MTUS2: variants seen among roughly 807,000 people sequenced by gnomAD.
The protein encoded by MTUS2 is microtubule associated scaffold protein 2.
A neutral mutation model predicts 114.1 loss-of-function variants in MTUS2; 40 were observed. The ratio of observed to expected loss-of-function variants is 0.35; its 90% CI spans 0.27 to 0.46. The LOEUF (loss-of-function observed/expected upper bound fraction) is 0.46. MTUS2 is among the 20% of genes least tolerant of loss of function. The probability of loss-of-function intolerance (pLI) is 1.00; values close to 1 mark genes in which losing one functional copy is unlikely to be tolerated. For synonymous variants in MTUS2, 688 were observed against 672.0 expected (o/e 1.02, Z -0.37); for missense variants, 1,679 against 1,705.4 (o/e 0.98, Z 0.27).
chr13:29,420,662 C>G (rs1244884317), intron 8 of MTUS2, among the ~76,000 whole-genome samples: 7 of 152,216 alleles, frequency 4.6e-5, no homozygotes, highest in South Asian at 2.1e-4. Flanking sequence ...TTCTATTTAA[C>G]GTATGTCAAA....
At chr13:28,862,471 G>A (rs1300248816) in intron 2 of MTUS2, among the ~76,000 whole-genome samples, 1 of 152,160 alleles carries the variant, frequency 6.6e-6, no homozygotes, top group African/African-American at 2.4e-5. Context: ...AAATTAGCCA[G>A]GCATGGTGGC....
At chr13:29,022,854 T>TG (rs992467527) in intron 2 of MTUS2, among the ~76,000 whole-genome samples, 1 of 151,586 alleles carries the variant, frequency 6.6e-6, no homozygotes, top group Admixed American at 6.6e-5. Flanking sequence ...TTAAACTCTT[T>TG]GGGGGCAGAA....
chr13:29,405,953 C>T (rs1292687042), intron 8 of MTUS2, among the ~76,000 whole-genome samples: 1 of 151,986 alleles, frequency 6.6e-6, no homozygotes, highest in East Asian at 1.9e-4. Flanking sequence ...GTTGGCCAGG[C>T]TGGTCTCAAA....
At chr13:29,261,000 C>T (rs1897452104) in intron 5 of MTUS2, among the ~76,000 whole-genome samples, 2 of 151,962 alleles carry the variant, frequency 1.3e-5, no homozygotes, top group African/African-American at 4.8e-5. Flanking sequence ...AAACTCCAGG[C>T]TAAAGGGAAA....
At chr13:28,946,311 G>A (rs77019586) in intron 2 of MTUS2, among the ~76,000 whole-genome samples, 37 of 150,064 alleles carry the variant, frequency 2.5e-4, no homozygotes, top group African/African-American at 7.1e-4. Context: ...GTGTGCGCGC[G>A]CACATACCTG....
At chr13:29,198,864 T>C (rs1376697867) in intron 5 of MTUS2, among the ~76,000 whole-genome samples, 1 of 152,188 alleles carries the variant, frequency 6.6e-6, no homozygotes, top group Non-Finnish European at 1.5e-5. Context: ...TTTGGCTCTC[T>C]GTTTGTCTAT....
intron 8 of MTUS2, among the ~76,000 whole-genome samples, chr13:29,434,572 C>T (rs1433555123): frequency 6.6e-6 from 1 of 152,160 alleles, no homozygotes; most frequent in Non-Finnish European, 1.5e-5. Flanking sequence ...CAGATTTACC[C>T]AGCGTTCAGT....
intron 5 of MTUS2, among the ~76,000 whole-genome samples, chr13:29,198,034 A>G (rs944187868): frequency 6.6e-6 from 1 of 152,174 alleles, no homozygotes; most frequent in Non-Finnish European, 1.5e-5. Flanking sequence ...GTTCACTTGA[A>G]TGATAGTTCT....
At chr13:29,335,987 A>C (rs1901042695) in intron 7 of MTUS2, among the ~76,000 whole-genome samples, 1 of 152,096 alleles carries the variant, frequency 6.6e-6, no homozygotes. Flanking sequence ...TGGCTATTGA[A>C]ACTTGTGTGT....
chr13:29,137,814 G>A (rs1892049038), intron 5 of MTUS2, among the ~76,000 whole-genome samples: 1 of 148,680 alleles, frequency 6.7e-6, no homozygotes, highest in Admixed American at 6.8e-5. Flanking sequence ...CTTTAGTAGA[G>A]ATGTTCTCTT....
chr13:29,092,295 TG>T (rs773973610), intron 4 of MTUS2, among the ~76,000 whole-genome samples: 2 of 152,238 alleles, frequency 1.3e-5, no homozygotes, highest in Non-Finnish European at 2.9e-5. Context: ...TTTTTTACAC[TG>T]TCATGCCCAC....
chr13:29,303,898 T>C (rs1018101639), intron 6 of MTUS2, among the ~76,000 whole-genome samples: 1 of 152,114 alleles, frequency 6.6e-6, no homozygotes, highest in Admixed American at 6.5e-5. Context: ...AAAGGCCAGG[T>C]CACCTACAAA....
At chr13:28,835,928 G>T (rs942734294) in intron 1 of MTUS2, among the ~76,000 whole-genome samples, 1 of 152,054 alleles carries the variant, frequency 6.6e-6, no homozygotes, top group African/African-American at 2.4e-5. Flanking sequence ...GGGCCATGCT[G>T]TTCAGCACTG....
At chr13:29,431,956 C>T (rs1208024192) in intron 8 of MTUS2, among the ~76,000 whole-genome samples, 1 of 151,310 alleles carries the variant, frequency 6.6e-6, no homozygotes, top group African/African-American at 2.4e-5. Context: ...ACAATCTTCC[C>T]ACCTCAGCTT....
intron 2 of MTUS2, among the ~76,000 whole-genome samples, chr13:28,879,219 C>T (rs183568502): frequency 6.3e-4 from 95 of 151,926 alleles, no homozygotes; most frequent in Admixed American, 5.7e-3. Context: ...GATATTAGAC[C>T]TTTGTCAGAT....
intron 5 of MTUS2, among the ~76,000 whole-genome samples, chr13:29,260,004 G>A (rs2139459923): frequency 6.6e-6 from 1 of 152,356 alleles, no homozygotes; most frequent in African/African-American, 2.4e-5. Context: ...GGAACCCAGT[G>A]ACCACACTCT....
intron 4 of MTUS2, among the ~76,000 whole-genome samples, chr13:29,098,554 T>C (rs1890277747): frequency 6.6e-6 from 1 of 152,152 alleles, no homozygotes; most frequent in African/African-American, 2.4e-5. Context: ...AAGGGAAACC[T>C]AGAAAACAAT....
intron 3 of MTUS2, among the ~76,000 whole-genome samples, chr13:29,030,269 G>A (rs1886755147): frequency 6.6e-6 from 1 of 152,166 alleles, no homozygotes; most frequent in South Asian, 2.1e-4. Context: ...GTTCTGAGGG[G>A]TTCAGAGAGA....
At chr13:29,297,049 A>G (rs1194627364) in intron 6 of MTUS2, among the ~76,000 whole-genome samples, 2 of 151,776 alleles carry the variant, frequency 1.3e-5, no homozygotes, top group African/African-American at 2.4e-5. Context: ...TATTTCTCCT[A>G]TTTTTTCTTC....
Sources: gnomAD v4.1 joint callset for allele counts (sites outside exome capture counted in the v4.1 genomes callset) on GRCh38, gnomAD v4.1.1 for gene constraint, MANE v1.5 for transcripts, NCBI Gene and HGNC (gene_info 2026-07-23, HGNC 2026-07-21) for gene names.